RASGEF1A: variants seen among roughly 807,000 people sequenced by gnomAD.
RASGEF1A encodes ras-GEF domain-containing family member 1A.
Under a neutral mutation model 56.4 loss-of-function variants are expected in RASGEF1A, and 18 were observed. The ratio of observed to expected loss-of-function variants is 0.32; its 90% CI spans 0.22 to 0.47. The LOEUF (loss-of-function observed/expected upper bound fraction) is 0.47. Ranked by LOEUF, RASGEF1A falls within the 20% of genes least tolerant of loss-of-function variation. RASGEF1A has a pLI of 1.00. For synonymous variants in RASGEF1A, 245 were observed against 242.6 expected (o/e 1.01, Z -0.09); for missense variants, 422 against 627.1 (o/e 0.67, Z 3.49).
chr10:43,241,657 C>T (rs1387075572), intron 1 of RASGEF1A, among the ~76,000 whole-genome samples: 2 of 151,000 alleles, frequency 1.3e-5, no homozygotes, highest in Non-Finnish European at 1.5e-5. Flanking sequence ...AATAAAGGAA[C>T]AAAAATGGCA....
intron 1 of RASGEF1A, among the ~76,000 whole-genome samples, chr10:43,216,283 G>A (rs1029680494): frequency 6.6e-6 from 1 of 152,162 alleles, no homozygotes; most frequent in Non-Finnish European, 1.5e-5. Context: ...TGGGTGGGCC[G>A]CCTGCCCCAC....
In RASGEF1A at chr10:43,264,386, C is replaced by T. The variant is rs573826861; in HGVS notation, c.-7+2459G>A. Among the ~76,000 whole-genome samples, 15 of 151,356 alleles carry T rather than the reference C, an allele frequency of 9.9e-5. 1 individual carries two copies. In the South Asian group the frequency reaches 1.7e-3, roughly 17 times the overall value. On this transcript the variant is annotated intron_variant, in intron 1 of 12. Coordinates refer to ENST00000395810, the MANE Select transcript of RASGEF1A (RefSeq NM_145313.4). Reference sequence around the variant, plus strand: ...CAGCCATAGGGGAGGGCCTCTGACACCCCCAGCAATCCACCAGTGGGTATC... The same window carrying T: ...CAGCCATAGGGGAGGGCCTCTGACATCCCCAGCAATCCACCAGTGGGTATC...
intron 1 of RASGEF1A, among the ~76,000 whole-genome samples, chr10:43,221,082 C>T (rs540561512): frequency 2.0e-5 from 3 of 152,170 alleles, no homozygotes; most frequent in African/African-American, 2.4e-5. Context: ...GGCCACCAGA[C>T]GCCCTGCTGG....
intron 2 of RASGEF1A, among the ~76,000 whole-genome samples, chr10:43,204,370 C>T (rs1200224761): frequency 6.6e-6 from 1 of 152,206 alleles, no homozygotes; most frequent in Non-Finnish European, 1.5e-5. Context: ...TGACACTGCC[C>T]ACCGCAGCCC....
intron 1 of RASGEF1A, 45 bp from the exon 2 acceptor site, chr10:43,206,167 C>A: frequency 1.4e-6 from 2 of 1,462,112 alleles, no homozygotes; most frequent in Non-Finnish European, 9.3e-7. Flanking sequence ...GGCGCCTCCA[C>A]AGCTCCACAG....
intron 1 of RASGEF1A, among the ~76,000 whole-genome samples, chr10:43,243,526 C>T (rs982691848): frequency 1.3e-4 from 20 of 150,262 alleles, no homozygotes; most frequent in African/African-American, 4.7e-4. Context: ...CCGGCCGCCC[C>T]GCCTGGGAAG....
At chr10:43,206,867 G>C in intron 1 of RASGEF1A, 2 of 985,950 alleles carry the variant, frequency 2.0e-6, no homozygotes. Flanking sequence ...TTTGGGGCCT[G>C]TGAGTCTGAG....
At chr10:43,242,685 G>A (rs965881933) in intron 1 of RASGEF1A, among the ~76,000 whole-genome samples, 7 of 152,210 alleles carry the variant, frequency 4.6e-5, no homozygotes, top group African/African-American at 1.2e-4. Context: ...GGCACGCGCC[G>A]CCACTCTTGA....
intron 1 of RASGEF1A, among the ~76,000 whole-genome samples, chr10:43,217,248 C>G (rs1405146448): frequency 6.6e-6 from 1 of 152,198 alleles, no homozygotes; most frequent in Non-Finnish European, 1.5e-5. Context: ...CTGTATGGAG[C>G]TGAGAGGAGG....
At chr10:43,217,077 T>A (rs1345186144) in intron 1 of RASGEF1A, among the ~76,000 whole-genome samples, 1 of 151,908 alleles carries the variant, frequency 6.6e-6, no homozygotes, top group Non-Finnish European at 1.5e-5. Flanking sequence ...AGAAATGAGG[T>A]AGGGGCCACC....
At chr10:43,253,303 C>T (rs552077302) in intron 1 of RASGEF1A, among the ~76,000 whole-genome samples, 5 of 152,220 alleles carry the variant, frequency 3.3e-5, no homozygotes, top group Non-Finnish European at 7.3e-5. Context: ...CCCAAATCCC[C>T]GGGGAGGGCT....
intron 1 of RASGEF1A, among the ~76,000 whole-genome samples, chr10:43,209,616 C>T (rs992534270): frequency 5.3e-5 from 8 of 152,198 alleles, no homozygotes; most frequent in African/African-American, 4.8e-5. Flanking sequence ...ACAGACCACA[C>T]AGGAGGCACT....
intron 1 of RASGEF1A, among the ~76,000 whole-genome samples, chr10:43,264,662 G>A (rs1274315127): frequency 6.7e-6 from 1 of 149,046 alleles, no homozygotes; most frequent in Non-Finnish European, 1.5e-5. Context: ...GGGAGGGAGG[G>A]TCCGTCAAGG....
intron 2 of RASGEF1A, among the ~76,000 whole-genome samples, chr10:43,204,690 T>G (rs979324968): frequency 7.9e-5 from 12 of 152,066 alleles, no homozygotes; most frequent in African/African-American, 2.7e-4. Flanking sequence ...GAGGGGTAGG[T>G]GCTCGGCAGA....
chr10:43,253,712 A>G (rs1481643031), intron 1 of RASGEF1A, among the ~76,000 whole-genome samples: 4 of 152,206 alleles, frequency 2.6e-5, no homozygotes, highest in African/African-American at 9.6e-5. Context: ...AGATTCTACC[A>G]ACAGACACCT....
intron 1 of RASGEF1A, among the ~76,000 whole-genome samples, chr10:43,225,099 C>A (rs912681754): frequency 2.0e-5 from 3 of 146,888 alleles, no homozygotes; most frequent in African/African-American, 5.1e-5. Context: ...TCTGTTTCTG[C>A]GTGTGTGTGC....
At chr10:43,245,949 T>C (rs1840563043) in intron 1 of RASGEF1A, among the ~76,000 whole-genome samples, 1 of 152,294 alleles carries the variant, frequency 6.6e-6, no homozygotes, top group South Asian at 2.1e-4. Flanking sequence ...GACACCCATA[T>C]TGAAAAGAAG....
At chr10:43,212,633 C>T (rs1686006462) in intron 1 of RASGEF1A, among the ~76,000 whole-genome samples, 1 of 152,184 alleles carries the variant, frequency 6.6e-6, no homozygotes, top group Admixed American at 6.5e-5. Context: ...GGCTTCCAGC[C>T]CAGCACAAGT....
intron 1 of RASGEF1A, among the ~76,000 whole-genome samples, chr10:43,241,228 A>C (rs2133218034): frequency 6.6e-6 from 1 of 152,294 alleles, no homozygotes; most frequent in South Asian, 2.1e-4. Flanking sequence ...TATGCACTTA[A>C]CTCTATTTTT....
Sources: gnomAD v4.1 joint callset for allele counts (sites outside exome capture counted in the v4.1 genomes callset) on GRCh38, gnomAD v4.1.1 for gene constraint, MANE v1.5 for transcripts, NCBI Gene and HGNC (gene_info 2026-07-23, HGNC 2026-07-21) for gene names.